Variants in MICAL2 observed in about 807,000 individuals in gnomAD.
MICAL2 encodes [F-actin]-monooxygenase MICAL2.
Under a neutral mutation model 127.3 loss-of-function variants are expected in MICAL2, and 77 were observed. The observed-to-expected ratio is 0.60, with a 90% CI of 0.50 to 0.73. The LOEUF (loss-of-function observed/expected upper bound fraction) is 0.73, where lower values mean the gene tolerates loss of function less well. Among genes scored for constraint, MICAL2 ranks in the 30% least tolerant of loss-of-function variants. The pLI, the probability that MICAL2 is intolerant of heterozygous loss-of-function variation, is 0.00. For missense variants in MICAL2, 1,351 were observed against 1,434.4 expected, an observed-to-expected ratio of 0.94 and a Z score of 0.94; for synonymous variants, 570 against 551.1, an observed-to-expected ratio of 1.03 and a Z score of -0.48.
At chr11:12,257,676 G>A (rs943001368) in intron 24 of MICAL2, among the ~76,000 whole-genome samples, 2 of 152,158 alleles carry the variant, frequency 1.3e-5, no homozygotes, top group African/African-American at 4.8e-5. Context: ...TGAGGTTAAC[G>A]GTAGTCCTTA....
intron 32 of MICAL2, among the ~76,000 whole-genome samples, chr11:12,328,750 T>A (rs1864382039): frequency 6.6e-6 from 1 of 152,192 alleles, no homozygotes; most frequent in African/African-American, 2.4e-5. Flanking sequence ...ACAGGTTACT[T>A]GTTACTTAAC....
chr11:12,354,035 C>G (rs1055321477), intron 33 of MICAL2, among the ~76,000 whole-genome samples: 6 of 152,244 alleles, frequency 3.9e-5, no homozygotes, highest in African/African-American at 1.4e-4. Flanking sequence ...CACCCCATCC[C>G]TAAAGGGTGG....
At chr11:12,146,842 A>C (rs1032585908) in intron 2 of MICAL2, among the ~76,000 whole-genome samples, 18 of 152,256 alleles carry the variant, frequency 1.2e-4, no homozygotes, top group Non-Finnish European at 2.4e-4. Flanking sequence ...TTAGATTAAG[A>C]AAATGTGGCA....
chr11:12,357,027 G>A lies in MICAL2; in HGVS notation c.5690-1268G>A, dbSNP rs897135776. Reference sequence around the variant, plus strand: ...CCCAGAATGGAGAGACCGAGCATGGGGCTCTAACCCTCTGCCCCTCCTGCC... The same window carrying A: ...CCCAGAATGGAGAGACCGAGCATGGAGCTCTAACCCTCTGCCCCTCCTGCC... On this transcript the variant is annotated intron_variant, in intron 34 of 34. Transcript: ENST00000646065. Among the ~76,000 whole-genome samples the A allele has an allele frequency of 6.6e-5, 10 of 152,184 alleles. No homozygotes were observed. The East Asian group carries it at 1.2e-3, about 18-fold the overall frequency.
At chr11:12,282,124 A>G (rs1387676845) in intron 2 of MICAL2, among the ~76,000 whole-genome samples, 1 of 152,204 alleles carries the variant, frequency 6.6e-6, no homozygotes, top group Non-Finnish European at 1.5e-5. Flanking sequence ...GAAAGAACTC[A>G]TATAGATATT....
intron 23 of MICAL2, 169 bp from the exon 24 acceptor site, chr11:12,256,616 G>A (rs1862358470): frequency 1.3e-5 from 8 of 624,850 alleles, no homozygotes; most frequent in Admixed American, 3.1e-5. Flanking sequence ...TGGGGTCTGG[G>A]TTGGGGGTGT....
chr11:12,275,406 A>G (rs1022694627), upstream of MICAL2, among the ~76,000 whole-genome samples: 1 of 152,200 alleles, frequency 6.6e-6, no homozygotes, highest in Non-Finnish European at 1.5e-5. Context: ...GCATGAGTGT[A>G]GACAGAGAAG....
chr11:12,339,618 G>T (rs1938825520), intron 32 of MICAL2, among the ~76,000 whole-genome samples: 1 of 152,086 alleles, frequency 6.6e-6, no homozygotes, highest in Admixed American at 6.6e-5. Context: ...TGTACAGATG[G>T]GTTTTTGGTG....
chr11:12,156,647 C>A (rs1367100475), intron 2 of MICAL2, among the ~76,000 whole-genome samples: 2 of 152,150 alleles, frequency 1.3e-5, no homozygotes, highest in Non-Finnish European at 2.9e-5. Flanking sequence ...AGGTGGAAAG[C>A]CAGCCCTACC....
chr11:12,343,472 T>C (rs1279127292), intron 32 of MICAL2, among the ~76,000 whole-genome samples: 1 of 147,444 alleles, frequency 6.8e-6, no homozygotes, highest in Non-Finnish European at 1.5e-5. Flanking sequence ...AATAATTAAA[T>C]TGAGTGATTC....
In MICAL2 at chr11:12,192,512, G is replaced by A. The variant is rs1227882276; in HGVS notation, c.265-11738G>A. ...TCAGAAGCAAGGCACGGTGGCTCAC[G>A]CCTGTAATCTCAACACTTTGGGAGG... On this transcript the variant is annotated intron_variant, in intron 3 of 27. Coordinates refer to ENST00000683283, the MANE Select transcript of MICAL2 (RefSeq NM_001282663.2). Among the ~76,000 whole-genome samples, 4 of 152,322 alleles carry A rather than the reference G, an allele frequency of 2.6e-5. No homozygotes were observed. The East Asian group carries it at 5.8e-4, about 22-fold the overall frequency.
rs180924363 is a variant in MICAL2 at position 12,300,324 on chromosome 11, C to T, written c.5212+5467C>T. ...AAAAAGAATCTAGTCCTCTGGAATA[C>T]GGTGGGAACATAAATATGATGGATT... On this transcript the variant is annotated intron_variant, in intron 29 of 34. Coordinates refer to the MICAL2 transcript ENST00000646065. Among the ~76,000 whole-genome samples the T allele has an allele frequency of 2.1e-4, 32 of 152,160 alleles. 1 individual carries two copies. The highest frequency in any genetic ancestry group is 3.4e-4 in the Non-Finnish European group (23 of 67,998).
intron 30 of MICAL2, among the ~76,000 whole-genome samples, chr11:12,323,056 T>C (rs1351561007): frequency 6.6e-6 from 1 of 152,188 alleles, no homozygotes; most frequent in Non-Finnish European, 1.5e-5. Flanking sequence ...GTGGGCCCAG[T>C]GCTCAACCAT....
intron 10 of MICAL2, 120 bp from the exon 11 acceptor site, chr11:12,222,497 G>A (rs1856940131): frequency 3.7e-6 from 5 of 1,334,534 alleles, no homozygotes; most frequent in East Asian, 4.9e-5. Context: ...TTCAGGGAAG[G>A]GTTAGACAAA....
chr11:12,120,310 G>C (rs966074050), intron 1 of MICAL2, among the ~76,000 whole-genome samples: 2 of 152,238 alleles, frequency 1.3e-5, no homozygotes, highest in African/African-American at 4.8e-5. Context: ...AAGAGGATGG[G>C]GCATAGGATG....
At chr11:12,335,689 A>G (rs867334893) in intron 32 of MICAL2, among the ~76,000 whole-genome samples, 5 of 152,214 alleles carry the variant, frequency 3.3e-5, no homozygotes, top group African/African-American at 1.2e-4. Flanking sequence ...TAGTTTTCCC[A>G]GCACCATTTA....
At position 12,227,021 on chromosome 11, in the gene MICAL2, A is replaced by G. The variant is rs1378898260; in HGVS notation, c.1889-4A>G. 1 of 1,612,196 alleles carries G rather than the reference A, an allele frequency of 6.2e-7. No homozygotes were observed. Among genetic ancestry groups the G allele is most frequent in the Non-Finnish European group, 8.5e-7 (1 of 1,178,402 alleles). ...AATCACAGTTGCGCTTTATTTCCCA[A>G]CAGATTCTTGGCGCAAAAACTATGG... On this transcript the variant is annotated splice_polypyrimidine_tract_variant and splice_region_variant and intron_variant, in intron 14 of 27. Transcript: ENST00000683283.
At chr11:12,259,630 G>T in intron 25 of MICAL2, 165 bp from the exon 26 acceptor site, 2 of 564,232 alleles carry the variant, frequency 3.5e-6, no homozygotes, top group East Asian at 3.2e-5. Context: ...CCCTAGAAAA[G>T]TGCCCGTGTT....
intron 4 of MICAL2, among the ~76,000 whole-genome samples, chr11:12,206,486 A>G (rs773483498): frequency 3.9e-5 from 6 of 152,168 alleles, no homozygotes; most frequent in Non-Finnish European, 8.8e-5. Flanking sequence ...CTGAGTAGGA[A>G]CCTCAGGACT....
Sources: gnomAD v4.1 joint callset for allele counts (sites outside exome capture counted in the v4.1 genomes callset) on GRCh38, gnomAD v4.1.1 for gene constraint, MANE v1.5 for transcripts, NCBI Gene and HGNC (gene_info 2026-07-23, HGNC 2026-07-21) for gene names.